Variants in ZMYM5 observed in about 807,000 individuals in gnomAD.
The protein encoded by ZMYM5 is zinc finger MYM-type containing 5, also known as zinc finger MYM-type protein 5.
ZMYM5 carries 41 observed loss-of-function variants against 61.8 expected under a neutral mutation model. The ratio of observed to expected loss-of-function variants is 0.66; its 90% confidence interval spans 0.52 to 0.86. The LOEUF is 0.86. Ranked by LOEUF, ZMYM5 falls within the 40% of genes least tolerant of loss-of-function variation. ZMYM5 has a pLI of 0.00. For missense variants in ZMYM5, 706 were observed against 786.7 expected (o/e 0.90, Z 1.23); for synonymous variants, 257 against 276.4 (o/e 0.93, Z 0.70).
chr13:19,859,242 C>T (rs560086424), intron 2 of ZMYM5, among the ~76,000 whole-genome samples: 1 of 152,284 alleles, frequency 6.6e-6, no homozygotes, highest in South Asian at 2.1e-4. Flanking sequence ...GAGCAAGACT[C>T]TTCCCTGCGG....
rs774542660 is a variant in ZMYM5 at position 19,837,672 on chromosome 13, C to T, written c.1022G>A (p.Cys341Tyr). ...GVFNKSRCTI[C>Y]SKLAEIRHEV... ...AATCCAGACCTCTGCTAATTTACTACAAATTGTACATCTTGACTTATTAAA... is the reference window on the plus strand; with the variant it reads ...AATCCAGACCTCTGCTAATTTACTATAAATTGTACATCTTGACTTATTAAA... Residue 341 changes from cysteine to tyrosine, a missense_variant, in exon 6 of 8, where the codon TGT (cysteine) becomes TAT (tyrosine). Coordinates refer to ENST00000337963, the MANE Select transcript of ZMYM5 (RefSeq NM_001142684.2). 1.6e-5 allele frequency: 26 copies of T among 1,584,758 alleles called. 1 individual carries two copies. The Admixed American group carries it at 4.7e-4, about 28-fold the overall frequency.
intron 4 of ZMYM5, among the ~76,000 whole-genome samples, chr13:19,848,512 G>A (rs1220428504): frequency 6.6e-6 from 1 of 151,644 alleles, no homozygotes; most frequent in African/African-American, 2.4e-5. Context: ...AAACTCCTGG[G>A]CTCAGGTGAC....
intron 7 of ZMYM5, 107 bp from the exon 8 acceptor site, chr13:19,825,342 G>A (rs1222801730): frequency 3.8e-6 from 4 of 1,055,172 alleles, no homozygotes; most frequent in Admixed American, 8.3e-5. Context: ...TCAAAGAAAT[G>A]CCAATCAAAA....
chr13:19,860,935 C>CGTGTGTGTGT lies in ZMYM5; in HGVS notation c.-11+1454_-11+1463dup, dbSNP rs10690639. ...CTAACTATATGCATGTATATGCGCA[C>CGTGTGTGTGT]GTGTGTGTGTGTGTGTGTGTGTGTG... On this transcript the variant is annotated intron_variant, in intron 2 of 7. Transcript: ENST00000337963. Among the ~76,000 whole-genome samples, 235 of 136,854 alleles carry CGTGTGTGTGT rather than the reference C, an allele frequency of 1.7e-3. 1 individual carries two copies. Among genetic ancestry groups the CGTGTGTGTGT allele is most frequent in the African/African-American group, 5.9e-3 (220 of 37,006 alleles). The allele number at this position is 136,854 out of a possible 152,430, so 89.8% of individuals were successfully genotyped here.
chr13:19,861,538 A>G (rs1953760891), intron 2 of ZMYM5, among the ~76,000 whole-genome samples: 1 of 152,208 alleles, frequency 6.6e-6, no homozygotes, highest in Non-Finnish European at 1.5e-5. Context: ...ATAAGAGCAA[A>G]TAAGTTAGTA....
chr13:19,828,699 G>A (rs941471012), intron 7 of ZMYM5, among the ~76,000 whole-genome samples: 1 of 152,202 alleles, frequency 6.6e-6, no homozygotes, highest in East Asian at 1.9e-4. Flanking sequence ...GATAGGAGTT[G>A]AGAAGTGCTC....
At chr13:19,837,956 A>G (rs1053270009) in intron 5 of ZMYM5, 135 bp from the exon 6 acceptor site, 2 of 1,025,504 alleles carry the variant, frequency 2.0e-6, no homozygotes, top group African/African-American at 1.7e-5. Context: ...TAGATGCAGC[A>G]AATCCACTTT....
chr13:19,851,558 G>T, intron 3 of ZMYM5, 110 bp from the exon 4 acceptor site: 1 of 1,539,892 alleles, frequency 6.5e-7, no homozygotes, highest in Non-Finnish European at 8.9e-7. Context: ...TGTTTTATAT[G>T]TAATAATTAT....
rs1953321660 is a variant in ZMYM5, at chr13:19,851,947, A to G, written c.234T>C (p.Asp78=). 4 of 1,613,878 alleles carry G rather than the reference A, an allele frequency of 2.5e-6. No individual in the cohort carries two copies. Among genetic ancestry groups the G allele is most frequent in the Admixed American group, 1.7e-5 (1 of 59,982 alleles). Residue 78 remains aspartate (D), a synonymous_variant, in exon 3 of 8, where the codon GAT becomes GAC. Transcript: ENST00000337963. Reference sequence around the variant, plus strand: ...ATGATGCAAATATGAAGTTTCTTTGATCAGCTATTGCTGGAGCAGAAATTG... The same window carrying G: ...ATGATGCAAATATGAAGTTTCTTTGGTCAGCTATTGCTGGAGCAGAAATTG... ...PPSISAPAIA[D]QRNFIFASSK... is the part of the protein sequence containing the mutation.
intron 4 of ZMYM5, among the ~76,000 whole-genome samples, chr13:19,839,475 G>A (rs1407830079): frequency 6.6e-6 from 1 of 151,358 alleles, no homozygotes; most frequent in East Asian, 1.9e-4. Flanking sequence ...TGCTACCTCT[G>A]CCCCCCAGGT....
chr13:19,841,070 T>C (rs1952861902), intron 4 of ZMYM5, among the ~76,000 whole-genome samples: 1 of 151,378 alleles, frequency 6.6e-6, no homozygotes, highest in South Asian at 2.1e-4. Flanking sequence ...TTCAAGGGAT[T>C]CTCCTTGCCT....
At chr13:19,851,271 GA>G in intron 4 of ZMYM5, 83 bp downstream of exon 4, 1 of 1,239,934 alleles carries the variant, frequency 8.1e-7, no homozygotes, top group Non-Finnish European at 1.2e-6. Context: ...CACAGAATGT[GA>G]ATAAAATAGA....
intron 4 of ZMYM5, among the ~76,000 whole-genome samples, chr13:19,850,396 T>A (rs1651405891): frequency 6.6e-6 from 1 of 152,030 alleles, no homozygotes; most frequent in Admixed American, 6.6e-5. Context: ...GGTTAGGAGT[T>A]TGAGACCAGC....
At chr13:19,837,230 G>A (rs1235353425) in intron 6 of ZMYM5, among the ~76,000 whole-genome samples, 1 of 152,012 alleles carries the variant, frequency 6.6e-6, no homozygotes, top group Non-Finnish European at 1.5e-5. Context: ...TGTTGGCCAG[G>A]TTGGTCTCGA....
chr13:19,844,788 A>AT (rs1365786580), intron 4 of ZMYM5, among the ~76,000 whole-genome samples: 1 of 152,002 alleles, frequency 6.6e-6, no homozygotes, highest in Non-Finnish European at 1.5e-5. Flanking sequence ...CGCCAAGCAA[A>AT]TTTTTTATAT....
At chr13:19,854,276 G>A (rs930465328) in intron 2 of ZMYM5, among the ~76,000 whole-genome samples, 4 of 152,222 alleles carry the variant, frequency 2.6e-5, no homozygotes, top group Non-Finnish European at 4.4e-5. Context: ...CCAAAGTGCT[G>A]GGATAAGAGG....
chr13:19,831,507 A>G (rs1329204623), intron 7 of ZMYM5, among the ~76,000 whole-genome samples: 1 of 151,906 alleles, frequency 6.6e-6, no homozygotes, highest in Non-Finnish European at 1.5e-5. Context: ...GTTATTTAAG[A>G]AAATCTAGGC....
intron 7 of ZMYM5, among the ~76,000 whole-genome samples, chr13:19,830,839 C>CTTTTT (rs1160103759): frequency 1.5e-5 from 2 of 129,588 alleles, no homozygotes; most frequent in Non-Finnish European, 3.3e-5. Context: ...GTTACTTTTT[C>CTTTTT]TTTTTTTTTT....
At chr13:19,843,353 C>T (rs9315163) in intron 4 of ZMYM5, 67,619 of 116,000 alleles carry the variant, frequency 0.58, 22,281 homozygotes, top group East Asian at 0.84. Flanking sequence ...GCCGAGATTG[C>T]GCCACTGCAC....
Sources: gnomAD v4.1 joint callset for allele counts (sites outside exome capture counted in the v4.1 genomes callset) on GRCh38, gnomAD v4.1.1 for gene constraint, MANE v1.5 for transcripts, NCBI Gene and HGNC (gene_info 2026-07-23, HGNC 2026-07-21) for gene names.